Variants in SMYD3 observed in about 807,000 individuals in gnomAD.
SMYD3 encodes the protein histone-lysine N-methyltransferase SMYD3.
SMYD3 carries 36 observed loss-of-function variants against 57.7 expected under a neutral mutation model. The ratio of observed to expected loss-of-function variants is 0.62; its 90% CI spans 0.48 to 0.82. The LOEUF is 0.82. Ranked by LOEUF, SMYD3 falls within the 40% of genes least tolerant of loss-of-function variation. The pLI, the probability that SMYD3 is intolerant of heterozygous loss-of-function variation, is 0.00. For synonymous variants in SMYD3, 211 were observed against 195.0 expected, an observed-to-expected ratio of 1.08 and a Z score of -0.68; for missense variants, 515 against 538.8, an observed-to-expected ratio of 0.96 and a Z score of 0.44.
At chr1:245,956,106 T>TG (rs1010224778) in intron 5 of SMYD3, 2 of 971,132 alleles carry the variant, frequency 2.1e-6, no homozygotes, top group Admixed American at 6.2e-5. Flanking sequence ...TTTTCAGAGA[T>TG]GGGGTCTCAT....
At chr1:245,808,642 G>C (rs79959188) in intron 10 of SMYD3, among the ~76,000 whole-genome samples, 3,119 of 152,248 alleles carry the variant, frequency 0.02, 116 homozygotes, top group African/African-American at 0.071. Context: ...AGGTTTGCCT[G>C]TTGTGCAGGT....
intron 10 of SMYD3, among the ~76,000 whole-genome samples, chr1:245,828,673 C>T (rs2049646433): frequency 6.6e-6 from 1 of 150,696 alleles, no homozygotes; most frequent in African/African-American, 2.4e-5. Context: ...GAAGAGGCTT[C>T]TGATACATAT....
chr1:245,833,073 A>AAAAAAAAAAAAAAAAAACACAAC, intron 10 of SMYD3, among the ~76,000 whole-genome samples: 76 of 128,636 alleles, frequency 5.9e-4, no homozygotes, highest in South Asian at 2.5e-3. Flanking sequence ...AAAAAAAAAA[A>AAAAAAAAAAAAAAAAAACACAAC]AACCTGCTTT....
chr1:245,915,583 T>C lies in SMYD3; in HGVS notation c.760A>G (p.Arg254Gly), dbSNP rs1444350287. 6.2e-7 allele frequency: 1 copy of C among 1,613,932 alleles called. No individual in the cohort carries two copies. Among genetic ancestry groups the C allele is most frequent in the Non-Finnish European group, 8.5e-7 (1 of 1,179,978 alleles). Residue 254 changes from arginine (R) to glycine (G), a missense_variant, in exon 8 of 12, where the codon AGG becomes GGG. Coordinates refer to ENST00000490107, the MANE Select transcript of SMYD3 (RefSeq NM_001167740.2). The part of the protein sequence containing the change: ...MTSEERRKQL[R>G]DQYCFECDCF... ...TCACATTCAAAGCAGTACTGGTCCC[T>C]CAGCTGCTTCCGGCGCTCCTCACTG...
At chr1:246,174,898 G>A (rs2062407691) in intron 5 of SMYD3, among the ~76,000 whole-genome samples, 2 of 152,170 alleles carry the variant, frequency 1.3e-5, no homozygotes, top group South Asian at 2.1e-4. Flanking sequence ...ACCAGTCGAT[G>A]AATCTCTGCT....
chr1:246,322,856 T>G (rs2065273357), intron 5 of SMYD3, among the ~76,000 whole-genome samples: 1 of 152,246 alleles, frequency 6.6e-6, no homozygotes, highest in East Asian at 1.9e-4. Flanking sequence ...CTATTACATT[T>G]AGTGCAAAAC....
At chr1:246,235,586 C>T (rs1199586546) in intron 5 of SMYD3, among the ~76,000 whole-genome samples, 1 of 152,172 alleles carries the variant, frequency 6.6e-6, no homozygotes, top group Admixed American at 6.5e-5. Context: ...CCACCTCCAG[C>T]TCACAGGCAG....
chr1:246,049,552 A>G (rs952395030), intron 5 of SMYD3, among the ~76,000 whole-genome samples: 15 of 151,052 alleles, frequency 9.9e-5, no homozygotes, highest in African/African-American at 3.6e-4. Flanking sequence ...TGATCCGCCC[A>G]TCTCGGCCTC....
intron 5 of SMYD3, among the ~76,000 whole-genome samples, chr1:246,236,725 T>C (rs2063517705): frequency 1.3e-5 from 2 of 152,186 alleles, no homozygotes; most frequent in East Asian, 1.9e-4. Flanking sequence ...TTGCCCAGGC[T>C]TGTCTCAAAC....
At chr1:246,197,977 G>A (rs747162083) in intron 5 of SMYD3, among the ~76,000 whole-genome samples, 1 of 152,088 alleles carries the variant, frequency 6.6e-6, no homozygotes, top group Non-Finnish European at 1.5e-5. Context: ...AAGAGTGTGG[G>A]CTAGGATAAA....
At chr1:246,372,974 C>T (rs1216294473) in intron 1 of SMYD3, among the ~76,000 whole-genome samples, 1 of 152,008 alleles carries the variant, frequency 6.6e-6, no homozygotes, top group African/African-American at 2.4e-5. Context: ...TACTGCTCTC[C>T]ATCTACAGGC....
chr1:246,094,682 A>G (rs1335376436), intron 5 of SMYD3, among the ~76,000 whole-genome samples: 4 of 152,214 alleles, frequency 2.6e-5, no homozygotes, highest in Non-Finnish European at 5.9e-5. Context: ...TTCTATAGCA[A>G]AACGCACAGG....
intron 5 of SMYD3, among the ~76,000 whole-genome samples, chr1:246,007,654 G>GAA (rs35495113): frequency 6.8e-6 from 1 of 146,724 alleles, no homozygotes; most frequent in Non-Finnish European, 1.5e-5. Flanking sequence ...ACCAAAAATA[G>GAA]AAAAAAAAAA....
At chr1:245,893,052 G>A (rs1334554470) in intron 8 of SMYD3, among the ~76,000 whole-genome samples, 1 of 152,132 alleles carries the variant, frequency 6.6e-6, no homozygotes, top group African/African-American at 2.4e-5. Context: ...TTTAAAATAG[G>A]CAAAAGATTT....
At chr1:245,774,957 C>T (rs1445896935) in intron 10 of SMYD3, among the ~76,000 whole-genome samples, 1 of 152,156 alleles carries the variant, frequency 6.6e-6, no homozygotes, top group Non-Finnish European at 1.5e-5. Context: ...CCAGCCTCGG[C>T]CTCCCGGAGG....
chr1:246,086,574 G>A (rs995769898), intron 5 of SMYD3, among the ~76,000 whole-genome samples: 3 of 146,110 alleles, frequency 2.1e-5, no homozygotes, highest in South Asian at 4.4e-4. Context: ...TTTATTTTTA[G>A]ATTTCAGTAA....
At chr1:246,015,892 T>G (rs967084690) in intron 5 of SMYD3, among the ~76,000 whole-genome samples, 2 of 142,612 alleles carry the variant, frequency 1.4e-5, no homozygotes, top group African/African-American at 6.2e-5. Flanking sequence ...ACCTGCTGGA[T>G]TCCAATTTTG....
intron 5 of SMYD3, among the ~76,000 whole-genome samples, chr1:246,112,546 C>T (rs151239825): frequency 0.016 from 2,495 of 152,092 alleles, 73 homozygotes; most frequent in African/African-American, 0.058. Flanking sequence ...AAATTGCTAA[C>T]AAAAAAGGGA....
chr1:245,857,013 C>T (rs2051277633), intron 10 of SMYD3, among the ~76,000 whole-genome samples: 1 of 152,150 alleles, frequency 6.6e-6, no homozygotes, highest in African/African-American at 2.4e-5. Flanking sequence ...GAATGCGATT[C>T]GTATTTTCCG....
Sources: allele counts gnomAD v4.1 joint callset (sites outside exome capture counted in the v4.1 genomes callset), GRCh38; gene constraint gnomAD v4.1.1; transcripts MANE v1.5; gene names NCBI Gene and HGNC (gene_info 2026-07-23, HGNC 2026-07-21).